The following BRAF variants were observed in gnomAD, a reference collection of about 807,000 sequenced individuals.
BRAF encodes B-Raf proto-oncogene, serine/threonine kinase, also known as serine/threonine-protein kinase B-raf.
In BRAF, 16 loss-of-function variants were observed where a neutral mutation model predicts 104.6. The observed-to-expected ratio is 0.15, with a 90% confidence interval of 0.10 to 0.23. The LOEUF (loss-of-function observed/expected upper bound fraction) is 0.23. Among genes scored for constraint, BRAF ranks in the 10% least tolerant of loss-of-function variants. The pLI, the probability that BRAF is intolerant of heterozygous loss-of-function variation, is 1.00. For missense variants in BRAF, 541 were observed against 937.3 expected, an observed-to-expected ratio of 0.58 and a Z score of 5.52; for synonymous variants, 310 against 341.6, an observed-to-expected ratio of 0.91 and a Z score of 1.02.
chr7:140,910,680 A>AC (rs1816866896), intron 1 of BRAF, among the ~76,000 whole-genome samples: 1 of 151,928 alleles, frequency 6.6e-6, no homozygotes, highest in African/African-American at 2.4e-5. Context: ...GAAAAAATAC[A>AC]CTTTTTTTTT....
intron 7 of BRAF, chr7:140,799,814 A>T (rs911432675): frequency 1.2e-5 from 3 of 241,460 alleles, no homozygotes; most frequent in African/African-American, 6.6e-5. Flanking sequence ...ATTGTTTGCC[A>T]TTGTCTCACA....
chr7:140,918,277 CAG>C (rs1817834119), intron 1 of BRAF, among the ~76,000 whole-genome samples: 1 of 152,148 alleles, frequency 6.6e-6, no homozygotes, highest in South Asian at 2.1e-4. Flanking sequence ...TTTCCATGGA[CAG>C]GGGTAGAGGG....
chr7:140,783,718 T>C (rs572343347), intron 10 of BRAF, among the ~76,000 whole-genome samples: 1 of 152,336 alleles, frequency 6.6e-6, no homozygotes, highest in South Asian at 2.1e-4. Flanking sequence ...TTAAGAGATA[T>C]TGGTCAGTAT....
At chr7:140,821,584 C>G (rs968338570) in intron 3 of BRAF, among the ~76,000 whole-genome samples, 1 of 151,962 alleles carries the variant, frequency 6.6e-6, no homozygotes, top group Non-Finnish European at 1.5e-5. Flanking sequence ...CAAAAAACAA[C>G]AGATGCTGGC....
At chr7:140,894,550 G>A (rs1455984241) in intron 1 of BRAF, among the ~76,000 whole-genome samples, 1 of 151,978 alleles carries the variant, frequency 6.6e-6, no homozygotes, top group Non-Finnish European at 1.5e-5. Context: ...ACCTTTATTA[G>A]CAAGGAGTTA....
At chr7:140,726,671 C>A (rs1795614937) in intron 19 of BRAF, among the ~76,000 whole-genome samples, 2 of 152,172 alleles carry the variant, frequency 1.3e-5, no homozygotes, top group South Asian at 4.1e-4. Context: ...ACGGCTGAAA[C>A]CCATGGAAGA....
intron 3 of BRAF, among the ~76,000 whole-genome samples, chr7:140,818,703 A>C (rs1805149715): frequency 6.6e-6 from 1 of 152,240 alleles, no homozygotes; most frequent in African/African-American, 2.4e-5. Flanking sequence ...CCAATTTTGA[A>C]ATACCTAAAA....
chr7:140,922,839 A>T (rs1234106206), intron 1 of BRAF, among the ~76,000 whole-genome samples: 1 of 152,242 alleles, frequency 6.6e-6, no homozygotes, highest in Non-Finnish European at 1.5e-5. Flanking sequence ...GAAGCTTCAG[A>T]AAGTTAAGTA....
chr7:140,792,772 C>G (rs571897372), intron 8 of BRAF, among the ~76,000 whole-genome samples: 3 of 152,226 alleles, frequency 2.0e-5, no homozygotes, highest in African/African-American at 7.2e-5. Flanking sequence ...AATTGCCTAA[C>G]ACAATGCATA....
chr7:140,850,793 G>A (rs951308169), intron 1 of BRAF, among the ~76,000 whole-genome samples: 1 of 152,102 alleles, frequency 6.6e-6, no homozygotes, highest in African/African-American at 2.4e-5. Flanking sequence ...GGTGGGCATA[G>A]ACAATTTTAA....
chr7:140,840,575 G>A (rs1224173017), intron 2 of BRAF, among the ~76,000 whole-genome samples: 1 of 151,898 alleles, frequency 6.6e-6, no homozygotes, highest in Non-Finnish European at 1.5e-5. Flanking sequence ...AGGATTGCTT[G>A]AGTCCAGGTG....
At chr7:140,915,727 T>C (rs2129143897) in intron 1 of BRAF, among the ~76,000 whole-genome samples, 1 of 150,982 alleles carries the variant, frequency 6.6e-6, no homozygotes, top group African/African-American at 2.4e-5. Flanking sequence ...TGAGCCACCG[T>C]GACCAGCCTA....
intron 1 of BRAF, among the ~76,000 whole-genome samples, chr7:140,863,712 A>C (rs1023896832): frequency 4.6e-5 from 7 of 151,936 alleles, no homozygotes; most frequent in African/African-American, 1.7e-4. Flanking sequence ...AAAAGATCTG[A>C]TTGTTTACAA....
At chr7:140,741,817 G>A (rs1796942794) in intron 17 of BRAF, 1 of 152,134 alleles carries the variant, frequency 6.6e-6, no homozygotes. Context: ...AATTAGCTGG[G>A]TGTGGCGGTA....
intron 1 of BRAF, among the ~76,000 whole-genome samples, chr7:140,862,527 G>A (rs559176443): frequency 1.3e-5 from 2 of 152,204 alleles, no homozygotes; most frequent in South Asian, 2.1e-4. Flanking sequence ...AGGCTAAGGC[G>A]GATGAATTAA....
At chr7:140,883,856 C>A (rs952411159) in intron 1 of BRAF, among the ~76,000 whole-genome samples, 1 of 152,174 alleles carries the variant, frequency 6.6e-6, no homozygotes, top group African/African-American at 2.4e-5. Context: ...AATCATTACA[C>A]CACAGTAAGA....
intron 1 of BRAF, among the ~76,000 whole-genome samples, chr7:140,859,685 ATTTT>A (rs60932962): frequency 7.6e-6 from 1 of 131,646 alleles, no homozygotes; most frequent in Admixed American, 7.6e-5. Flanking sequence ...CTGATTGTAA[ATTTT>A]TTTTTTTTTT....
intron 2 of BRAF, among the ~76,000 whole-genome samples, chr7:140,848,671 G>A (rs990122036): frequency 2.5e-4 from 38 of 152,194 alleles, no homozygotes; most frequent in African/African-American, 8.0e-4. Context: ...ATAAAAAATT[G>A]CCATTCTCAT....
rs141838353 is a variant in BRAF, at chr7:140,843,519, T to C, written c.240+6592A>G. ...TGTTTCTTGCAGTTAAACGCATTTATAATTTTTATGGATTGGGATTTATTC... is the reference window on the plus strand; with the variant it reads ...TGTTTCTTGCAGTTAAACGCATTTACAATTTTTATGGATTGGGATTTATTC... On this transcript the variant is annotated intron_variant, in intron 2 of 19. Coordinates refer to ENST00000644969, the MANE Select transcript of BRAF (RefSeq NM_001374258.1). 7.7e-3 allele frequency among the ~76,000 whole-genome samples: 1,169 copies of C among 152,332 alleles called. 19 individuals are homozygous for C. Among genetic ancestry groups the C allele is most frequent in the African/African-American group, 0.027 (1,105 of 41,570 alleles).
Sources: allele counts gnomAD v4.1 joint callset (sites outside exome capture counted in the v4.1 genomes callset), GRCh38; gene constraint gnomAD v4.1.1; transcripts MANE v1.5; gene names NCBI Gene and HGNC (gene_info 2026-07-23, HGNC 2026-07-21).